Variants in SH3BP5 observed in about 807,000 individuals in gnomAD.
SH3BP5 encodes SH3 domain-binding protein 5.
A neutral mutation model predicts 43.3 loss-of-function variants in SH3BP5; 22 were observed. The ratio of observed to expected loss-of-function variants is 0.51; its 90% CI spans 0.36 to 0.73. The LOEUF (loss-of-function observed/expected upper bound fraction) is 0.73. Ranked by LOEUF, SH3BP5 falls within the 30% of genes least tolerant of loss-of-function variation. The probability of loss-of-function intolerance (pLI) is 0.00; values close to 1 mark genes in which losing one functional copy is unlikely to be tolerated. For missense variants in SH3BP5, 529 were observed against 586.9 expected (o/e 0.90, Z 1.02); for synonymous variants, 255 against 225.8 (o/e 1.13, Z -1.16).
intron 3 of SH3BP5, among the ~76,000 whole-genome samples, chr3:15,292,535 T>C (rs894791455): frequency 6.6e-6 from 1 of 152,114 alleles, no homozygotes; most frequent in Non-Finnish European, 1.5e-5. Context: ...TGAATGCAAA[T>C]GGTTCATGGC....
chr3:15,269,657 A>C, intron 4 of SH3BP5, 56 bp downstream of exon 4: 5 of 1,479,198 alleles, frequency 3.4e-6, no homozygotes, highest in Non-Finnish European at 2.7e-6. Flanking sequence ...CGCTCAGGGG[A>C]AGCCAGCGCG....
At chr3:15,301,959 C>T (rs1050501106) in intron 3 of SH3BP5, among the ~76,000 whole-genome samples, 3 of 152,078 alleles carry the variant, frequency 2.0e-5, no homozygotes, top group East Asian at 1.9e-4. Context: ...AGCATGGGCA[C>T]GTGGGCTGCT....
intron 3 of SH3BP5, among the ~76,000 whole-genome samples, chr3:15,298,422 A>T (rs1214067427): frequency 6.6e-6 from 1 of 152,208 alleles, no homozygotes; most frequent in Non-Finnish European, 1.5e-5. Context: ...TATGTAAGAC[A>T]TGGCCTTATA....
At chr3:15,262,996 T>C (rs186214700) in intron 4 of SH3BP5, among the ~76,000 whole-genome samples, 5 of 152,194 alleles carry the variant, frequency 3.3e-5, no homozygotes, top group East Asian at 1.9e-4. Context: ...TATCTAGATA[T>C]ATATTTGAGC....
chr3:15,263,423 A>G (rs1696524598), intron 4 of SH3BP5, among the ~76,000 whole-genome samples: 1 of 152,246 alleles, frequency 6.6e-6, no homozygotes, highest in Non-Finnish European at 1.5e-5. Context: ...GTCCTTTCCC[A>G]AATATTCTGA....
upstream of SH3BP5, among the ~76,000 whole-genome samples, chr3:15,335,486 T>A (rs1698690367): frequency 6.6e-6 from 1 of 151,632 alleles, no homozygotes; most frequent in Non-Finnish European, 1.5e-5. Flanking sequence ...CTGAGGTAGA[T>A]CACTTGAGCC....
At chr3:15,279,219 G>A (rs769378585) in intron 3 of SH3BP5, among the ~76,000 whole-genome samples, 1 of 152,248 alleles carries the variant, frequency 6.6e-6, no homozygotes, top group South Asian at 2.1e-4. Flanking sequence ...GTCAAACATA[G>A]GGGACATCAT....
chr3:15,290,350 TC>T (rs1479060338), intron 3 of SH3BP5, among the ~76,000 whole-genome samples: 1 of 151,234 alleles, frequency 6.6e-6, no homozygotes, highest in East Asian at 1.9e-4. Flanking sequence ...AACAGTGAAA[TC>T]CCATCTCTAC....
chr3:15,282,823 A>AG lies in SH3BP5; in HGVS notation c.331-12947dup, dbSNP rs1199897905. On this transcript the variant is annotated intron_variant, in intron 3 of 8. Coordinates refer to ENST00000383791, the MANE Select transcript of SH3BP5 (RefSeq NM_004844.5). ...TAATCAAGGAAAAAGCTAGAGGGGG[A>AG]GGGTGGACGAAACCTGATTGGCAAG... Among the ~76,000 whole-genome samples the AG allele has an allele frequency of 5.3e-5, 8 of 152,088 alleles. No individual in the cohort carries two copies. In the East Asian group the frequency reaches 1.5e-3, roughly 29 times the overall value.
chr3:15,335,845 G>A (rs1040453249), upstream of SH3BP5, among the ~76,000 whole-genome samples: 3 of 152,230 alleles, frequency 2.0e-5, no homozygotes, highest in Non-Finnish European at 4.4e-5. Flanking sequence ...AAAGGGAGCA[G>A]GGCGTGGCCT....
intron 5 of SH3BP5, chr3:15,260,058 A>C: frequency 1.9e-6 from 1 of 535,826 alleles, no homozygotes; most frequent in East Asian, 3.3e-5. Context: ...ACCCACACAC[A>C]CATATCTTGG....
chr3:15,303,658 G>A lies in SH3BP5; in HGVS notation c.330+445C>T, dbSNP rs142996719. ...CACGGAAGTCAGAATCCGCTAAGGAGTGTATAACAACTCACCTGCCAAATC... is the reference window on the plus strand; with the variant it reads ...CACGGAAGTCAGAATCCGCTAAGGAATGTATAACAACTCACCTGCCAAATC... On this transcript the variant is annotated intron_variant, in intron 3 of 8. Transcript: ENST00000383791. 1.6e-3 allele frequency among the ~76,000 whole-genome samples: 236 copies of A among 151,592 alleles called. 2 individuals are homozygous for A. Among genetic ancestry groups the A allele is most frequent in the South Asian group, 8.3e-3 (40 of 4,804 alleles).
intron 2 of SH3BP5, 106 bp downstream of exon 2, chr3:15,330,398 A>T: frequency 1.1e-6 from 1 of 890,302 alleles, no homozygotes; most frequent in Non-Finnish European, 1.9e-6. Context: ...ACTCCCAAGG[A>T]GGGGGGTCCA....
intron 4 of SH3BP5, among the ~76,000 whole-genome samples, chr3:15,268,751 T>G (rs1031764450): frequency 1.2e-4 from 18 of 152,150 alleles, no homozygotes; most frequent in African/African-American, 4.1e-4. Flanking sequence ...CCAAAATTCT[T>G]ATGTTGAAAC....
intron 1 of SH3BP5, among the ~76,000 whole-genome samples, chr3:15,338,704 C>A (rs1337118399): frequency 6.6e-6 from 1 of 152,020 alleles, no homozygotes; most frequent in Non-Finnish European, 1.5e-5. Context: ...CACCCCCATC[C>A]CTTGCACTAG....
At chr3:15,333,851 G>A (rs1268448940), upstream of SH3BP5, among the ~76,000 whole-genome samples, 2 of 152,222 alleles carry the variant, frequency 1.3e-5, no homozygotes, top group African/African-American at 4.8e-5. Context: ...GCAATTCTGT[G>A]AGAGGTGCTT....
rs1348890706 is a variant in SH3BP5 at position 15,310,637 on chromosome 3, G to GA, written c.202-6407dup. Among the ~76,000 whole-genome samples the GA allele has an allele frequency of 2.6e-5, 4 of 152,134 alleles. No homozygotes were observed. In the East Asian group the frequency reaches 7.7e-4, roughly 29 times the overall value. On this transcript the variant is annotated intron_variant, in intron 2 of 8. Coordinates refer to ENST00000383791, the MANE Select transcript of SH3BP5 (RefSeq NM_004844.5). ...AGCAAGCAGATCTTCCACCAGTCAA[G>GA]AAAAAGAATCCGTTTACCATCCCAG...
At position 15,254,508 on chromosome 3, in the gene SH3BP5, C is replaced by G. The variant is rs1022317739; in HGVS notation, c.*1578G>C. ...TTAAAAGTCTAATGCCCCAGTGTAC[C>G]CCCCCCAGTTAATTAATTAAATAAT... On this transcript the variant is annotated 3_prime_UTR_variant, in exon 9 of 9. Transcript: ENST00000383791. 1 of 132,368 alleles carries G rather than the reference C, an allele frequency of 7.6e-6. No homozygotes were observed. The highest frequency in any genetic ancestry group is 7.0e-5 in the Admixed American group (1 of 14,248). 8.2% of individuals were successfully genotyped at this position (132,368 alleles called of 1,614,324 possible). A position where few individuals can be genotyped will look rare whatever the true frequency, so the allele number is the denominator to read the frequency against.
intron 2 of SH3BP5, among the ~76,000 whole-genome samples, chr3:15,309,850 A>C (rs2125119317): frequency 6.6e-6 from 1 of 152,054 alleles, no homozygotes; most frequent in African/African-American, 2.4e-5. Flanking sequence ...ACCACCAACA[A>C]GCCTATTCAT....
Sources: allele counts gnomAD v4.1 joint callset (sites outside exome capture counted in the v4.1 genomes callset), GRCh38; gene constraint gnomAD v4.1.1; transcripts MANE v1.5; gene names NCBI Gene and HGNC (gene_info 2026-07-23, HGNC 2026-07-21).